The following LYSMD3 variants were observed in gnomAD, a reference collection of about 807,000 sequenced individuals.
LYSMD3 encodes the protein lysM and putative peptidoglycan-binding domain-containing protein 3.
In LYSMD3, 13 loss-of-function variants were observed where a neutral mutation model predicts 26.1. That is an observed-to-expected ratio of 0.50 (90% CI 0.32 to 0.79). LYSMD3 has a LOEUF of 0.79. Among genes scored for constraint, LYSMD3 ranks in the 30% least tolerant of loss-of-function variants. The pLI, the probability that LYSMD3 is intolerant of heterozygous loss-of-function variation, is 0.03. For synonymous variants in LYSMD3, 109 were observed against 119.4 expected (o/e 0.91, Z 0.57); for missense variants, 331 against 362.5 (o/e 0.91, Z 0.71).
intron 2 of LYSMD3, among the ~76,000 whole-genome samples, chr5:90,522,804 A>G (rs967166547): frequency 1.3e-5 from 2 of 152,230 alleles, no homozygotes; most frequent in Non-Finnish European, 2.9e-5. Context: ...GGAAATAACT[A>G]TGAAAATTCC....
intron 2 of LYSMD3, among the ~76,000 whole-genome samples, chr5:90,522,732 G>C (rs996749142): frequency 6.6e-6 from 1 of 151,980 alleles, no homozygotes; most frequent in African/African-American, 2.4e-5. Flanking sequence ...TTACTGTATG[G>C]ATCAAACTTT....
chr5:90,521,558 A>G (rs1284080171), intron 2 of LYSMD3, among the ~76,000 whole-genome samples: 1 of 152,150 alleles, frequency 6.6e-6, no homozygotes, highest in African/African-American at 2.4e-5. Context: ...GTGTTTTATC[A>G]TCTTACTACC....
intron 2 of LYSMD3, among the ~76,000 whole-genome samples, chr5:90,523,837 G>A (rs2151921803): frequency 6.6e-6 from 1 of 152,188 alleles, no homozygotes; most frequent in South Asian, 2.1e-4. Context: ...AAATTCTATT[G>A]GGAGTATGAG....
chr5:90,516,625 A>G lies in LYSMD3; in HGVS notation c.*2194T>C, dbSNP rs1220793164. On this transcript the variant is annotated 3_prime_UTR_variant, in exon 3 of 3. Transcript: ENST00000315948. ...CTTAGAAAATTCATTTCTTTCCTAA[A>G]CAGATTAGAACCATAATTCAATATG... is the stretch of plus-strand genomic sequence containing the variant. The G allele has an allele frequency of 6.6e-6, 1 of 152,284 alleles. No individual in the cohort carries two copies. Among genetic ancestry groups the G allele is most frequent in the Non-Finnish European group, 1.5e-5 (1 of 67,938 alleles). 9.4% of individuals were successfully genotyped at this position (152,284 alleles called of 1,614,324 possible). A position where few individuals can be genotyped will look rare whatever the true frequency, so the allele number is the denominator to read the frequency against.
At chr5:90,519,963 A>AG (rs1249080222) in intron 2 of LYSMD3, among the ~76,000 whole-genome samples, 1 of 151,962 alleles carries the variant, frequency 6.6e-6, no homozygotes, top group Admixed American at 6.6e-5. Context: ...ATGTATATCT[A>AG]GGGAAAAAAA....
In LYSMD3 at chr5:90,516,859, T is replaced by A. The variant is rs3087840; in HGVS notation, c.*1960A>T. 58,076 of 152,126 alleles carry A rather than the reference T, an allele frequency of 0.38. 11,346 individuals carry two copies. Among genetic ancestry groups the A allele is most frequent in the Non-Finnish European group, 0.42 (28,694 of 67,754 alleles). The allele number at this position is 152,126 out of a possible 1,614,324, so 9.4% of individuals were successfully genotyped here. ...AAAAATAAGTTACATATTTTGGAAA[T>A]CGAACCCATAACAATTTCAAAGTAC... On this transcript the variant is annotated 3_prime_UTR_variant, in exon 3 of 3. Coordinates refer to ENST00000315948, the MANE Select transcript of LYSMD3 (RefSeq NM_198273.2).
chr5:90,529,576 A>C lies in LYSMD3; in HGVS notation c.-140T>G, dbSNP rs1379401394. 2 of 455,906 alleles carry C rather than the reference A, an allele frequency of 4.4e-6. No homozygotes were observed. The highest frequency in any genetic ancestry group is 4.7e-5 in the Admixed American group (2 of 42,538). 28.2% of individuals were successfully genotyped at this position (455,906 alleles called of 1,614,324 possible). A position where few individuals can be genotyped will look rare whatever the true frequency, so the allele number is the denominator to read the frequency against. On this transcript the variant is annotated 5_prime_UTR_variant, in exon 1 of 3. Transcript: ENST00000315948. ...CCCGTCCGCCTCCGCCTCTGCCGCC[A>C]ACGTCTCCGCCTTCCGGGCCGTACG...
At chr5:90,520,547 G>A in intron 2 of LYSMD3, 1 of 455,646 alleles carries the variant, frequency 2.2e-6, no homozygotes, top group East Asian at 6.9e-5. Context: ...AGATGTTCAG[G>A]ACAGAGTTGT....
chr5:90,529,420 T>C (rs1753305641), intron 1 of LYSMD3, 28 bp downstream of exon 1: 2 of 456,304 alleles, frequency 4.4e-6, no homozygotes, highest in African/African-American at 4.0e-5. Flanking sequence ...TGGACCGGGC[T>C]ACCCTCACCT....
chr5:90,520,711 G>A (rs1339493400), intron 2 of LYSMD3, among the ~76,000 whole-genome samples: 1 of 152,148 alleles, frequency 6.6e-6, no homozygotes, highest in East Asian at 1.9e-4. Flanking sequence ...CCTGAGGTCA[G>A]GAGTTCAAGA....
chr5:90,528,680 T>C (rs1179402454), intron 1 of LYSMD3, among the ~76,000 whole-genome samples: 1 of 152,192 alleles, frequency 6.6e-6, no homozygotes, highest in Non-Finnish European at 1.5e-5. Flanking sequence ...ATTTAAGTCA[T>C]CTGGCTCAAT....
In LYSMD3 at chr5:90,529,463, G is replaced by A. The variant is rs760031987; in HGVS notation, c.-27C>T. On this transcript the variant is annotated 5_prime_UTR_variant, in exon 1 of 3. Coordinates refer to ENST00000315948, the MANE Select transcript of LYSMD3 (RefSeq NM_198273.2). ...CCATCTTTACCTGTCCCCGTTAGCAGGGAGCACTCTGCGAGAAGATGGCCA... is the reference window on the plus strand; with the variant it reads ...CCATCTTTACCTGTCCCCGTTAGCAAGGAGCACTCTGCGAGAAGATGGCCA... The A allele has an allele frequency of 8.8e-6, 4 of 456,698 alleles. No homozygotes were observed. Among genetic ancestry groups the A allele is most frequent in the African/African-American group, 2.0e-5 (1 of 50,196 alleles). 28.3% of individuals were successfully genotyped at this position (456,698 alleles called of 1,614,324 possible).
In LYSMD3 at chr5:90,518,739, T is replaced by G. The variant is rs1407951267; in HGVS notation, c.*80A>C. 1 of 1,341,148 alleles carries G rather than the reference T, an allele frequency of 7.5e-7. No individual in the cohort carries two copies. The highest frequency in any genetic ancestry group is 1.5e-5 in the African/African-American group (1 of 68,028). The allele number at this position is 1,341,148 out of a possible 1,614,324, so 83.1% of individuals were successfully genotyped here. A position where few individuals can be genotyped will look rare whatever the true frequency, so the allele number is the denominator to read the frequency against. On this transcript the variant is annotated 3_prime_UTR_variant, in exon 3 of 3. Coordinates refer to ENST00000315948, the MANE Select transcript of LYSMD3 (RefSeq NM_198273.2). ...CCTCAATCTCTCTAAATTCTGCCTT[T>G]GAAGCTATTATTGGATATAACTGAT...
intron 1 of LYSMD3, 74 bp downstream of exon 1, chr5:90,529,374 C>G (rs1332892231): frequency 6.6e-6 from 3 of 456,190 alleles, no homozygotes. Flanking sequence ...TCAGCGCCTC[C>G]CGTGAGGACG....
chr5:90,526,683 C>T (rs1753231148), intron 1 of LYSMD3, among the ~76,000 whole-genome samples: 2 of 152,156 alleles, frequency 1.3e-5, no homozygotes, highest in Non-Finnish European at 2.9e-5. Context: ...TTAAGCATCA[C>T]ACCAAGATTT....
chr5:90,520,436 G>A (rs1735224391), intron 2 of LYSMD3: 1 of 456,240 alleles, frequency 2.2e-6, no homozygotes, highest in Non-Finnish European at 4.4e-6. Flanking sequence ...CTTGATGGAC[G>A]ATGGCATTCA....
rs1752979716 is a variant in LYSMD3, at chr5:90,517,588, C to G, written c.*1231G>C. The stretch of plus-strand genomic sequence containing the variant: ...TCTTAAAAAGAGGCACTACCACCCC[C>G]TTTCAAGCAATCTATACACCTTTGG... On this transcript the variant is annotated 3_prime_UTR_variant, in exon 3 of 3. Transcript: ENST00000315948. 1.3e-5 allele frequency: 2 copies of G among 152,016 alleles called. No homozygotes were observed. Among genetic ancestry groups the G allele is most frequent in the African/African-American group, 2.4e-5 (1 of 41,414 alleles). 9.4% of individuals were successfully genotyped at this position (152,016 alleles called of 1,614,324 possible).
At chr5:90,520,472 T>C in intron 2 of LYSMD3, 1 of 447,908 alleles carries the variant, frequency 2.2e-6, no homozygotes, top group Middle Eastern at 3.3e-4. Flanking sequence ...CTGTGGAGGG[T>C]AAAAAGAGGC....
rs1752930543 is a variant in LYSMD3 at position 90,515,795 on chromosome 5, C to T, written c.*3024G>A. ...ACAAAAGATTTATAGATTTTGCATACATAAAAATTAAAGCATTCAGATATT... is the reference window on the plus strand; with the variant it reads ...ACAAAAGATTTATAGATTTTGCATATATAAAAATTAAAGCATTCAGATATT... On this transcript the variant is annotated 3_prime_UTR_variant, in exon 3 of 3. Coordinates refer to ENST00000315948, the MANE Select transcript of LYSMD3 (RefSeq NM_198273.2). 1 of 152,118 alleles carries T rather than the reference C, an allele frequency of 6.6e-6. No homozygotes were observed. The highest frequency in any genetic ancestry group is 6.5e-5 in the Admixed American group (1 of 15,268). The allele number at this position is 152,118 out of a possible 1,614,324, so 9.4% of individuals were successfully genotyped here. A position where few individuals can be genotyped will look rare whatever the true frequency, so the allele number is the denominator to read the frequency against.
Sources: gnomAD v4.1 joint callset for allele counts (sites outside exome capture counted in the v4.1 genomes callset) on GRCh38, gnomAD v4.1.1 for gene constraint, MANE v1.5 for transcripts, NCBI Gene and HGNC (gene_info 2026-07-23, HGNC 2026-07-21) for gene names.